The following SLC30A7 variants were observed in gnomAD, a reference collection of about 807,000 sequenced individuals.
The protein encoded by SLC30A7 is zinc transporter 7.
SLC30A7 carries 35 observed loss-of-function variants against 46.0 expected under a neutral mutation model. The observed-to-expected ratio is 0.76, with a 90% CI of 0.58 to 1.01. The LOEUF is 1.01. SLC30A7 is among the 50% of genes least tolerant of loss of function. The pLI is 0.00. For missense variants in SLC30A7, 464 were observed against 451.1 expected (o/e 1.03, Z -0.26); for synonymous variants, 147 against 157.8 (o/e 0.93, Z 0.51).
Position 100,911,057 on chromosome 1 carries a change from C to T in SLC30A7, c.297-6C>T, listed in dbSNP as rs767764106. On this transcript the variant is annotated splice_polypyrimidine_tract_variant and splice_region_variant and intron_variant, in intron 3 of 10. Transcript: ENST00000357650. Reference sequence around the variant, plus strand: ...TAATTCAGTTATTTACTTTGTTCCTCTTTAGGTATGTTAGAGCGGAAGTTC... The same window carrying T: ...TAATTCAGTTATTTACTTTGTTCCTTTTTAGGTATGTTAGAGCGGAAGTTC... The T allele has an allele frequency of 6.2e-6, 10 of 1,600,660 alleles. No homozygotes were observed. The African/African-American group carries it at 1.3e-4, about 21-fold the overall frequency.
intron 8 of SLC30A7, among the ~76,000 whole-genome samples, chr1:100,960,516 T>A (rs755288884): frequency 3.3e-5 from 5 of 152,190 alleles, no homozygotes; most frequent in Non-Finnish European, 5.9e-5. Flanking sequence ...TCTTGGTACC[T>A]CTCTTTCCTT....
chr1:100,936,018 G>T (rs1653939516), intron 8 of SLC30A7, among the ~76,000 whole-genome samples: 1 of 151,572 alleles, frequency 6.6e-6, no homozygotes, highest in Admixed American at 6.6e-5. Context: ...TATGAGCAGA[G>T]ACAAAGGGTT....
At chr1:100,991,782 C>G in the SLC30A7 span, among the ~76,000 whole-genome samples, 3 of 81,652 alleles carry the variant, frequency 3.7e-5, no homozygotes, top group Non-Finnish European at 8.1e-5. Flanking sequence ...AAGCAAGACC[C>G]CATCTCAAAA....
rs1055137868 is a variant in SLC30A7 at position 100,896,582 on chromosome 1, C to T, written c.93C>T (p.Ser31=). 6.2e-7 allele frequency: 1 copy of T among 1,614,016 alleles called. No homozygotes were observed. ...KISGWFRSIL[S]DKTSRNLFFF... The stretch of plus-strand genomic sequence containing the variant: ...GTATCATTCCCAGGTCTATACTGTC[C>T]GACAAGACTTCCCGGAACCTGTTTT... The change falls in exon 2 of 11, where the codon TCC becomes TCT. Residue 31 remains serine, a synonymous_variant. Coordinates refer to ENST00000357650, the MANE Select transcript of SLC30A7 (RefSeq NM_133496.5).
At chr1:100,951,233 G>A (rs1329373296) in intron 8 of SLC30A7, among the ~76,000 whole-genome samples, 2 of 152,256 alleles carry the variant, frequency 1.3e-5, no homozygotes, top group South Asian at 2.1e-4. Flanking sequence ...GGGTATGTCA[G>A]GGTACTGACA....
At chr1:100,939,233 G>T (rs1454729361) in intron 8 of SLC30A7, among the ~76,000 whole-genome samples, 4 of 152,022 alleles carry the variant, frequency 2.6e-5, no homozygotes, top group Admixed American at 1.3e-4. Flanking sequence ...TTAGAAATTG[G>T]AGCAATGGTT....
intron 6 of SLC30A7, among the ~76,000 whole-genome samples, chr1:100,915,193 T>TTTCC (rs1436015312): frequency 2.2e-5 from 2 of 90,858 alleles, no homozygotes; most frequent in South Asian, 8.3e-4. Flanking sequence ...CTTTTCTTTC[T>TTTCC]TTTCTTTCTT....
At chr1:100,983,468 A>G (rs1657096022), downstream of SLC30A7, among the ~76,000 whole-genome samples, 1 of 152,140 alleles carries the variant, frequency 6.6e-6, no homozygotes, top group African/African-American at 2.4e-5. Flanking sequence ...TTCACAATTC[A>G]AATTTATCTG....
At position 100,916,704 on chromosome 1, in the gene SLC30A7, CTTT is replaced by C. The variant is rs33980397; in HGVS notation, c.656-1353_656-1351del. ...AAATAGTAAATCTTATTCATTCATT[CTTT>C]TTTTTTTTTTTTTTTTTTTGTACCC... On this transcript the variant is annotated intron_variant, in intron 6 of 10. Transcript: ENST00000357650. 7.5e-3 allele frequency among the ~76,000 whole-genome samples: 695 copies of C among 92,396 alleles called. 1 individual carries two copies. Among genetic ancestry groups the C allele is most frequent in the African/African-American group, 0.023 (552 of 24,008 alleles). The allele number at this position is 92,396 out of a possible 152,430, so 60.6% of individuals were successfully genotyped here.
chr1:100,967,030 CTA>C (rs1404607074), intron 10 of SLC30A7, among the ~76,000 whole-genome samples: 2 of 152,128 alleles, frequency 1.3e-5, no homozygotes, highest in Non-Finnish European at 2.9e-5. Flanking sequence ...ATGTAACTGA[CTA>C]TTAAAGACTG....
At chr1:100,908,289 C>T (rs1641090306) in intron 3 of SLC30A7, among the ~76,000 whole-genome samples, 1 of 152,116 alleles carries the variant, frequency 6.6e-6, no homozygotes, top group Non-Finnish European at 1.5e-5. Context: ...TGCTCTTGTT[C>T]TGTTTAGATA....
At chr1:100,931,750 A>C (rs1653676581) in intron 8 of SLC30A7, among the ~76,000 whole-genome samples, 1 of 152,178 alleles carries the variant, frequency 6.6e-6, no homozygotes, top group South Asian at 2.1e-4. Flanking sequence ...TGGATTTGTA[A>C]ATTGGAGTTA....
intron 9 of SLC30A7, among the ~76,000 whole-genome samples, chr1:100,964,413 A>G (rs1007119296): frequency 2.7e-5 from 4 of 147,370 alleles, no homozygotes; most frequent in African/African-American, 1.0e-4. Flanking sequence ...ATGTATATAT[A>G]TAGAGAGAGG....
At chr1:100,907,012 C>T (rs764073755) in intron 3 of SLC30A7, 47 bp downstream of exon 3, 8 of 1,160,470 alleles carry the variant, frequency 6.9e-6, no homozygotes, top group South Asian at 3.9e-5. Flanking sequence ...ATAAGATATA[C>T]ACAAAAAAAC....
chr1:100,900,111 C>G lies in SLC30A7; in HGVS notation c.182+3440C>G, dbSNP rs145172827. Among the ~76,000 whole-genome samples, 7 of 152,270 alleles carry G rather than the reference C, an allele frequency of 4.6e-5. No homozygotes were observed. The East Asian group carries it at 1.2e-3, about 25-fold the overall frequency. On this transcript the variant is annotated intron_variant, in intron 2 of 10. Transcript: ENST00000357650. ...CCCAAGTGAGCAGCAGAGCCTACAG[C>G]ACCTATTGTCCAAGTTTGATGTCCA...
At chr1:100,941,394 G>A (rs931226072) in intron 8 of SLC30A7, 22 of 394,564 alleles carry the variant, frequency 5.6e-5, no homozygotes, top group African/African-American at 4.4e-4. Context: ...CACCCTTTTC[G>A]GCTAGATGAA....
At chr1:100,946,833 A>G (rs62174585) in intron 8 of SLC30A7, among the ~76,000 whole-genome samples, 41 of 152,066 alleles carry the variant, frequency 2.7e-4, no homozygotes, top group Non-Finnish European at 5.0e-4. Context: ...CTCTTTTTCT[A>G]TTGATTGGAA....
intron 8 of SLC30A7, among the ~76,000 whole-genome samples, chr1:100,939,773 C>T (rs1259577858): frequency 6.6e-6 from 1 of 151,064 alleles, no homozygotes; most frequent in Non-Finnish European, 1.5e-5. Flanking sequence ...GGCATGAACC[C>T]AGGAGGTGGA....
rs980220849 is a variant in SLC30A7 at position 100,929,667 on chromosome 1, C to T, written c.842+7826C>T. ...TGTCTATCCCTTCTAGCTTGCCCAG[C>T]GTTCCATTTTCACTTCCACAGTGAA... On this transcript the variant is annotated intron_variant, in intron 8 of 10. Transcript: ENST00000357650. Among the ~76,000 whole-genome samples the T allele has an allele frequency of 4.0e-5, 6 of 151,842 alleles. No homozygotes were observed. In the South Asian group the frequency reaches 1.0e-3, roughly 26 times the overall value.
Sources: gnomAD v4.1 joint callset for allele counts (sites outside exome capture counted in the v4.1 genomes callset) on GRCh38, gnomAD v4.1.1 for gene constraint, MANE v1.5 for transcripts, NCBI Gene and HGNC (gene_info 2026-07-23, HGNC 2026-07-21) for gene names.